AJAP1: variants seen among roughly 807,000 people sequenced by gnomAD.
AJAP1 encodes the protein adherens junction-associated protein 1.
Under a neutral mutation model 35.0 loss-of-function variants are expected in AJAP1, and 5 were observed. That is an observed-to-expected ratio of 0.14 (90% CI 0.07 to 0.30). The LOEUF (loss-of-function observed/expected upper bound fraction) is 0.30. Among genes scored for constraint, AJAP1 ranks in the 10% least tolerant of loss-of-function variants. The pLI is 1.00. For missense variants in AJAP1, 586 were observed against 571.0 expected (o/e 1.03, Z -0.27); for synonymous variants, 284 against 249.3 (o/e 1.14, Z -1.31).
chr1:4,753,819 A>C (rs1570197629), intron 2 of AJAP1, among the ~76,000 whole-genome samples: 2 of 152,132 alleles, frequency 1.3e-5, no homozygotes, highest in Admixed American at 1.3e-4. Flanking sequence ...TGATCCGCCC[A>C]CCTCAGCCTT....
rs372014699 is a variant in AJAP1, at chr1:4,711,693, T to G, written c.30-207T>G. On this transcript the variant is annotated intron_variant, in intron 1 of 5. Coordinates refer to ENST00000378191, the MANE Select transcript of AJAP1 (RefSeq NM_018836.4). Reference sequence around the variant, plus strand: ...TGCCGGGAAGCAGCTCCCCGCACCCTCGCAGCGCGCGCTGTTCTTGCACGT... The same window carrying G: ...TGCCGGGAAGCAGCTCCCCGCACCCGCGCAGCGCGCGCTGTTCTTGCACGT... Among the ~76,000 whole-genome samples the G allele has an allele frequency of 4.0e-3, 613 of 152,252 alleles. 1 individual carries two copies. The highest frequency in any genetic ancestry group is 0.013 in the African/African-American group (523 of 41,554).
intron 5 of AJAP1, among the ~76,000 whole-genome samples, chr1:4,780,448 T>A (rs1642036278): frequency 6.6e-6 from 1 of 152,052 alleles, no homozygotes; most frequent in African/African-American, 2.4e-5. Context: ...ATAAGAGGGA[T>A]ATTTCTCTCT....
At chr1:4,674,876 G>T (rs1477634227) in intron 1 of AJAP1, among the ~76,000 whole-genome samples, 1 of 152,240 alleles carries the variant, frequency 6.6e-6, no homozygotes, top group Non-Finnish European at 1.5e-5. Flanking sequence ...CTTGTTGCCT[G>T]CCTCTGCTCT....
At position 4,783,469 on chromosome 1, in the gene AJAP1, G is replaced by GTGTA. The variant is rs1179637522; in HGVS notation, c.*986_*989dup. 9.0e-6 allele frequency: 1 copy of GTGTA among 111,470 alleles called. No individual in the cohort carries two copies. The highest frequency in any genetic ancestry group is 1.8e-5 in the Non-Finnish European group (1 of 56,020). The allele number at this position is 111,470 out of a possible 1,614,324, so 6.9% of individuals were successfully genotyped here. ...GAATGCCAAGGTTTTATATATGTGT[G>GTGTA]TGTATATATATATATATATATATAT... On this transcript the variant is annotated 3_prime_UTR_variant, in exon 6 of 6. Coordinates refer to ENST00000378191, the MANE Select transcript of AJAP1 (RefSeq NM_018836.4).
At chr1:4,672,876 C>T (rs912176440) in intron 1 of AJAP1, among the ~76,000 whole-genome samples, 7 of 152,212 alleles carry the variant, frequency 4.6e-5, no homozygotes, top group Non-Finnish European at 1.0e-4. Flanking sequence ...CCAGTGTCAT[C>T]ACCGGAGTCC....
At chr1:4,707,182 C>T (rs771101559) in intron 1 of AJAP1, among the ~76,000 whole-genome samples, 28 of 152,132 alleles carry the variant, frequency 1.8e-4, no homozygotes, top group African/African-American at 6.0e-4. Flanking sequence ...TCCACCCATC[C>T]GCCAGGGCCA....
intron 2 of AJAP1, among the ~76,000 whole-genome samples, chr1:4,741,222 G>A (rs1008650376): frequency 1.3e-5 from 2 of 152,164 alleles, no homozygotes; most frequent in African/African-American, 2.4e-5. Flanking sequence ...CGAGTGTCCT[G>A]GAGCTGCCGC....
rs763842955 is a variant in AJAP1 at position 4,785,528 on chromosome 1, G to A, written c.*3043G>A. The A allele has an allele frequency of 2.4e-4, 37 of 152,100 alleles. No individual in the cohort carries two copies. Among genetic ancestry groups the A allele is most frequent in the Admixed American group, 7.9e-4 (12 of 15,278 alleles). The allele number at this position is 152,100 out of a possible 1,614,324, so 9.4% of individuals were successfully genotyped here. On this transcript the variant is annotated 3_prime_UTR_variant, in exon 6 of 6. Transcript: ENST00000378191. ...GCCTCGGAAATGCAGCCCCACCCAC[G>A]GTGAAGTCTGCACCAGAGCACAGAC... is the stretch of plus-strand genomic sequence containing the variant.
At position 4,692,228 on chromosome 1, in the gene AJAP1, T is replaced by G. The variant is rs546607165; in HGVS notation, c.30-19672T>G. Among the ~76,000 whole-genome samples, 164 of 152,244 alleles carry G rather than the reference T, an allele frequency of 1.1e-3. No individual in the cohort carries two copies. Among genetic ancestry groups the G allele is most frequent in the Non-Finnish European group, 1.1e-3 (75 of 68,016 alleles). On this transcript the variant is annotated intron_variant, in intron 1 of 5. Transcript: ENST00000378191. The surrounding 1 kb of genome is among the most constrained non-coding windows in gnomAD (Gnocchi z 4.4). The stretch of plus-strand genomic sequence containing the variant: ...CTCACTGTGCCAGGCAGGCTCCTGC[T>G]GCTGCCTCCCGCCGCTGCCTCCCGC...
intron 1 of AJAP1, among the ~76,000 whole-genome samples, chr1:4,679,688 A>C (rs1326346447): frequency 6.6e-6 from 1 of 152,164 alleles, no homozygotes; most frequent in Non-Finnish European, 1.5e-5. Flanking sequence ...TTATAGATGC[A>C]TCACTCAAAT....
At chr1:4,774,766 A>C (rs1360609216) in intron 5 of AJAP1, among the ~76,000 whole-genome samples, 1 of 151,970 alleles carries the variant, frequency 6.6e-6, no homozygotes, top group Non-Finnish European at 1.5e-5. Flanking sequence ...TCCCCGTCCC[A>C]GGGGAGGATA....
intron 3 of AJAP1, among the ~76,000 whole-genome samples, chr1:4,770,385 G>T (rs115360075): frequency 2.6e-5 from 4 of 152,136 alleles, no homozygotes; most frequent in Non-Finnish European, 5.9e-5. Flanking sequence ...TGTATTCTTC[G>T]TTCCTCTCAA....
At chr1:4,729,791 G>C (rs973402291) in intron 2 of AJAP1, among the ~76,000 whole-genome samples, 1 of 152,124 alleles carries the variant, frequency 6.6e-6, no homozygotes. Flanking sequence ...TATTCATTTG[G>C]GGGTGCATAA....
chr1:4,780,414 CA>C (rs958743326), intron 5 of AJAP1, among the ~76,000 whole-genome samples: 5 of 151,630 alleles, frequency 3.3e-5, no homozygotes, highest in Non-Finnish European at 4.4e-5. Context: ...TTTTAACTTT[CA>C]AAAAAATTAC....
Position 4,737,041 on chromosome 1 carries a change from C to A in AJAP1, c.829+24342C>A, listed in dbSNP as rs150633398. ...TGGTTGAATGAACTAGAGCAACTCTCTGAATGTACTGGAGTTGGCACACTT... is the reference window on the plus strand; with the variant it reads ...TGGTTGAATGAACTAGAGCAACTCTATGAATGTACTGGAGTTGGCACACTT... On this transcript the variant is annotated intron_variant, in intron 2 of 5. Transcript: ENST00000378191. 4.0e-3 allele frequency among the ~76,000 whole-genome samples: 603 copies of A among 152,354 alleles called. 5 individuals carry two copies. The highest frequency in any genetic ancestry group is 0.013 in the African/African-American group (547 of 41,592).
intron 1 of AJAP1, among the ~76,000 whole-genome samples, chr1:4,670,333 G>A (rs1639224714): frequency 1.3e-5 from 2 of 152,226 alleles, no homozygotes; most frequent in Admixed American, 6.5e-5. Flanking sequence ...CATTTTGGGA[G>A]TGGATTAAAG....
chr1:4,753,098 T>A (rs372888499), intron 2 of AJAP1, among the ~76,000 whole-genome samples: 1 of 152,214 alleles, frequency 6.6e-6, no homozygotes, highest in Non-Finnish European at 1.5e-5. Context: ...TTACGGCGTT[T>A]TATATCATTG....
chr1:4,665,715 G>A (rs1326383408), intron 1 of AJAP1, among the ~76,000 whole-genome samples: 1 of 152,156 alleles, frequency 6.6e-6, no homozygotes. Flanking sequence ...GCTGCCTATG[G>A]GCCTGACATC....
At chr1:4,745,864 G>A (rs1415222931) in intron 2 of AJAP1, among the ~76,000 whole-genome samples, 3 of 152,118 alleles carry the variant, frequency 2.0e-5, no homozygotes, top group Admixed American at 1.3e-4. Flanking sequence ...TTGGGGACAC[G>A]TGGTGGGAGC....
Sources: gnomAD v4.1 joint callset for allele counts (sites outside exome capture counted in the v4.1 genomes callset) on GRCh38, gnomAD v4.1.1 for gene constraint, Gnocchi (gnomAD v3.1) non-coding constraint, MANE v1.5 for transcripts, NCBI Gene and HGNC (gene_info 2026-07-23, HGNC 2026-07-21) for gene names.